AACS: variants seen among roughly 807,000 people sequenced by gnomAD.
AACS encodes the protein acetoacetyl-CoA synthetase, also known as acetoacetate-CoA ligase.
Under a neutral mutation model 83.1 loss-of-function variants are expected in AACS, and 69 were observed. That is an observed-to-expected ratio of 0.83 (90% CI 0.68 to 1.01). AACS has a LOEUF of 1.01. Ranked by LOEUF, AACS falls within the 50% of genes least tolerant of loss-of-function variation. AACS has a pLI of 0.00. For missense variants in AACS, 866 were observed against 882.2 expected, an observed-to-expected ratio of 0.98 and a Z score of 0.23; for synonymous variants, 333 against 343.4, an observed-to-expected ratio of 0.97 and a Z score of 0.33.
chr12:125,070,488 G>C (rs2136029466), intron 1 of AACS, among the ~76,000 whole-genome samples: 1 of 152,294 alleles, frequency 6.6e-6, no homozygotes, highest in East Asian at 1.9e-4. Context: ...AGAAGAGTAA[G>C]ATCCTGTCTC....
intron 2 of AACS, among the ~76,000 whole-genome samples, chr12:125,075,326 GTCTC>G (rs1446969798): frequency 6.7e-6 from 1 of 150,234 alleles, no homozygotes; most frequent in Non-Finnish European, 1.5e-5. Flanking sequence ...TTGAGACCGA[GTCTC>G]GCTTTTGTCA....
chr12:125,129,361 G>C lies in AACS; in HGVS notation c.1450G>C (p.Glu484Gln). 6 of 1,613,646 alleles carry C rather than the reference G, an allele frequency of 3.7e-6. No homozygotes were observed. The highest frequency in any genetic ancestry group is 5.1e-6 in the Non-Finnish European group (6 of 1,179,896). Reference sequence around the variant, plus strand: ...AAAGGCGGTCTGGGGAGAGAGCGGCGAGCTGGTGTGTACTAAGCCGATCCC... The same window carrying C: ...AAAGGCGGTCTGGGGAGAGAGCGGCCAGCTGGTGTGTACTAAGCCGATCCC... ...EGKAVWGESG[E>Q]LVCTKPIPCQ... The change falls in exon 14 of 18, where the codon GAG (glutamate) becomes CAG (glutamine). Residue 484 changes from glutamate to glutamine, a missense_variant. Glu to Gln is a conservative substitution (Grantham distance 29). Coordinates refer to ENST00000316519, the MANE Select transcript of AACS (RefSeq NM_023928.5). This position sits in a 1 kb window ranked among gnomAD's most constrained non-coding sequence, Gnocchi z 4.3.
chr12:125,110,755 C>G (rs1159717440), intron 8 of AACS, among the ~76,000 whole-genome samples: 1 of 152,220 alleles, frequency 6.6e-6, no homozygotes, highest in African/African-American at 2.4e-5. Context: ...AGGAAATATA[C>G]AAGTTCCCTT....
rs960595834 is a variant in AACS, at chr12:125,130,410, A to C, written c.1549+950A>C. Among the ~76,000 whole-genome samples the C allele has an allele frequency of 6.6e-6, 1 of 152,272 alleles. No individual in the cohort carries two copies. The highest frequency in any genetic ancestry group is 2.4e-5 in the African/African-American group (1 of 41,472). On this transcript the variant is annotated intron_variant, in intron 14 of 17. Transcript: ENST00000316519. The surrounding 1 kb of genome is among the most constrained non-coding windows in gnomAD (Gnocchi z 4.9). Reference sequence around the variant, plus strand: ...CTGTGCAGACAGACGAATGCAGAAAAGCAAGAGTGGATGTAGAGAAACACT... The same window carrying C: ...CTGTGCAGACAGACGAATGCAGAAACGCAAGAGTGGATGTAGAGAAACACT...
chr12:125,122,985 C>A (rs1315579246), intron 10 of AACS: 1 of 152,270 alleles, frequency 6.6e-6, no homozygotes, highest in Non-Finnish European at 1.5e-5. Flanking sequence ...GTCTTACCTG[C>A]ACCCTGGAGA....
chr12:125,078,239 G>A (rs1190411636), intron 3 of AACS: 2 of 456,088 alleles, frequency 4.4e-6, no homozygotes, highest in Non-Finnish European at 8.8e-6. Flanking sequence ...AGTTCCCACC[G>A]AGACTTACTG....
chr12:125,133,938 T>C (rs986536758), intron 14 of AACS, 65 bp from the exon 15 acceptor site: 14 of 1,551,444 alleles, frequency 9.0e-6, no homozygotes, highest in Non-Finnish European at 1.2e-5. Flanking sequence ...ACCCAGCGTC[T>C]GTCCAGGCAG....
At chr12:125,093,097 C>T (rs1457661991) in intron 5 of AACS, among the ~76,000 whole-genome samples, 1 of 152,226 alleles carries the variant, frequency 6.6e-6, no homozygotes, top group African/African-American at 2.4e-5. Flanking sequence ...GGGTGTGACC[C>T]TCCAGGCCAG....
intron 7 of AACS, among the ~76,000 whole-genome samples, chr12:125,104,556 T>C (rs566494370): frequency 1.3e-5 from 2 of 152,060 alleles, no homozygotes; most frequent in Non-Finnish European, 2.9e-5. Flanking sequence ...TGCTTCCCTG[T>C]AGGATCTGGG....
chr12:125,072,856 C>G (rs1955906838), intron 1 of AACS, among the ~76,000 whole-genome samples: 1 of 151,514 alleles, frequency 6.6e-6, no homozygotes, highest in Admixed American at 6.6e-5. Flanking sequence ...GGGAACTCCC[C>G]TGGGCATAAA....
chr12:125,065,455 C>T lies in AACS; in HGVS notation c.-130C>T, dbSNP rs999726642. On this transcript the variant is annotated 5_prime_UTR_variant, in exon 1 of 18. Transcript: ENST00000316519. ...CGTTCAGTCCCTTGTTCCCCGCCGC[C>T]GCCGTCGCTGACCCAGCCCGCCAGG... The T allele has an allele frequency of 9.6e-7, 1 of 1,044,642 alleles. No homozygotes were observed. The highest frequency in any genetic ancestry group is 1.3e-6 in the Non-Finnish European group (1 of 783,498). 64.7% of individuals were successfully genotyped at this position (1,044,642 alleles called of 1,614,324 possible).
Position 125,076,477 on chromosome 12 carries a change from G to T in AACS, c.238-14G>T. 1 of 1,613,124 alleles carries T rather than the reference G, an allele frequency of 6.2e-7. No homozygotes were observed. The highest frequency in any genetic ancestry group is 8.5e-7 in the Non-Finnish European group (1 of 1,179,276). On this transcript the variant is annotated splice_polypyrimidine_tract_variant and intron_variant, in intron 2 of 17. Coordinates refer to ENST00000316519, the MANE Select transcript of AACS (RefSeq NM_023928.5). ...TCATGTGTGTGCGTCTTGGTTTGTT[G>T]TCATTCTCTATAGGTTGTGGACACA... is the stretch of plus-strand genomic sequence containing the variant.
In AACS at chr12:125,074,111, A is replaced by G. The variant is rs547497738; in HGVS notation, c.237+132A>G. On this transcript the variant is annotated intron_variant, in intron 2 of 17. Transcript: ENST00000316519. ...GCAGATGGGAAAAAGTCATTGCCCTAGAGAACTGGCATTAAATTATCACAG... is the reference window on the plus strand; with the variant it reads ...GCAGATGGGAAAAAGTCATTGCCCTGGAGAACTGGCATTAAATTATCACAG... The G allele has an allele frequency of 7.3e-5, 53 of 723,926 alleles. No individual in the cohort carries two copies. In the East Asian group the frequency reaches 1.4e-3, roughly 19 times the overall value. 44.8% of individuals were successfully genotyped at this position (723,926 alleles called of 1,614,324 possible).
chr12:125,086,505 G>A, intron 4 of AACS, 62 bp downstream of exon 4: 1 of 1,483,136 alleles, frequency 6.7e-7, no homozygotes, highest in Non-Finnish European at 9.4e-7. Flanking sequence ...TGGGTGATGT[G>A]AAGGTCAAGA....
chr12:125,135,001 G>T, intron 16 of AACS, 149 bp downstream of exon 16: 1 of 908,164 alleles, frequency 1.1e-6, no homozygotes, highest in South Asian at 1.5e-5. Context: ...CTCCTTTCCA[G>T]AACATACCTT....
intron 10 of AACS, among the ~76,000 whole-genome samples, chr12:125,119,241 G>C (rs1957111910): frequency 6.6e-6 from 1 of 152,170 alleles, no homozygotes; most frequent in South Asian, 2.1e-4. Context: ...TCTTAGCAAA[G>C]TTCCAGCACT....
intron 5 of AACS, among the ~76,000 whole-genome samples, chr12:125,095,992 TCTCA>T (rs1350973106): frequency 2.0e-5 from 3 of 151,896 alleles, no homozygotes; most frequent in Non-Finnish European, 4.4e-5. Flanking sequence ...TGAGACGGAG[TCTCA>T]CTCTGTCTCC....
chr12:125,107,463 T>G (rs1366694764), intron 8 of AACS, among the ~76,000 whole-genome samples, 195 bp downstream of exon 8: 1 of 152,162 alleles, frequency 6.6e-6, no homozygotes, highest in Non-Finnish European at 1.5e-5. Context: ...TGCTGCCACT[T>G]CAAAGGCTGG....
At position 125,083,615 on chromosome 12, in the gene AACS, A is replaced by T. The variant is rs151251801; in HGVS notation, c.359-2715A>T. ...AGCTTGTGTCACTTTTAATCTTCTA[A>T]AAAATTATACTACTGAGCAATAAAA... On this transcript the variant is annotated intron_variant, in intron 3 of 17. Coordinates refer to ENST00000316519, the MANE Select transcript of AACS (RefSeq NM_023928.5). Among the ~76,000 whole-genome samples the T allele has an allele frequency of 2.0e-5, 3 of 151,998 alleles. No individual in the cohort carries two copies. The East Asian group carries it at 5.8e-4, about 30-fold the overall frequency.
Sources: allele counts gnomAD v4.1 joint callset (sites outside exome capture counted in the v4.1 genomes callset), GRCh38; gene constraint gnomAD v4.1.1; non-coding constraint Gnocchi (gnomAD v3.1); transcripts MANE v1.5; gene names NCBI Gene and HGNC (gene_info 2026-07-23, HGNC 2026-07-21).